The following JAZF1 variants were observed in gnomAD, a reference collection of about 807,000 sequenced individuals.
JAZF1 encodes the protein JAZF zinc finger 1, also known as juxtaposed with another zinc finger protein 1.
Under a neutral mutation model 26.4 loss-of-function variants are expected in JAZF1, and 8 were observed. The ratio of observed to expected loss-of-function variants is 0.30; its 90% CI spans 0.18 to 0.55. The LOEUF is 0.55. Among genes scored for constraint, JAZF1 ranks in the 20% least tolerant of loss-of-function variants. JAZF1 has a pLI of 0.94. For synonymous variants in JAZF1, 126 were observed against 122.3 expected, an observed-to-expected ratio of 1.03 and a Z score of -0.20; for missense variants, 199 against 322.0, an observed-to-expected ratio of 0.62 and a Z score of 2.92.
chr7:28,075,734 T>C lies in JAZF1; in HGVS notation c.116-83753A>G, dbSNP rs574906163. On this transcript the variant is annotated intron_variant, in intron 1 of 4. Coordinates refer to ENST00000283928, the MANE Select transcript of JAZF1 (RefSeq NM_175061.4). ...AGCACTCCCCATATTAATGGATATT[T>C]AGGTGAATCCCATTTTTTGCTATTA... is the stretch of plus-strand genomic sequence containing the variant. 2.0e-5 allele frequency among the ~76,000 whole-genome samples: 3 copies of C among 152,336 alleles called. No homozygotes were observed. The East Asian group carries it at 5.8e-4, about 29-fold the overall frequency.
chr7:28,036,247 C>A (rs77124494), intron 1 of JAZF1, among the ~76,000 whole-genome samples: 8,219 of 152,278 alleles, frequency 0.054, 394 homozygotes, highest in African/African-American at 0.12. Flanking sequence ...ACCAGGACAG[C>A]AGCCCTGCCT....
intron 1 of JAZF1, among the ~76,000 whole-genome samples, chr7:28,089,714 C>A (rs935979950): frequency 6.6e-6 from 1 of 152,136 alleles, no homozygotes; most frequent in African/African-American, 2.4e-5. Flanking sequence ...AATGAAGGCT[C>A]AGACAAATGA....
intron 1 of JAZF1, among the ~76,000 whole-genome samples, chr7:28,035,324 A>G (rs1355465613): frequency 1.7e-5 from 2 of 120,226 alleles, no homozygotes; most frequent in Non-Finnish European, 3.6e-5. Context: ...AAAAAAAAAA[A>G]AAAAAAAAAA....
At chr7:27,957,994 C>G (rs1171393418) in intron 2 of JAZF1, among the ~76,000 whole-genome samples, 7 of 151,950 alleles carry the variant, frequency 4.6e-5, no homozygotes, top group Non-Finnish European at 8.8e-5. Flanking sequence ...CACATAGAAA[C>G]CTTGAAAGTG....
intron 3 of JAZF1, among the ~76,000 whole-genome samples, chr7:27,863,502 G>A (rs879904282): frequency 3.3e-5 from 5 of 152,172 alleles, no homozygotes; most frequent in African/African-American, 1.2e-4. Context: ...GCCCGTCCTT[G>A]CCCAGGCACA....
At chr7:27,856,515 A>T (rs1319026388) in intron 3 of JAZF1, among the ~76,000 whole-genome samples, 1 of 152,154 alleles carries the variant, frequency 6.6e-6, no homozygotes, top group African/African-American at 2.4e-5. Context: ...CCCCACCCAC[A>T]TCCTGCTGAT....
intron 1 of JAZF1, among the ~76,000 whole-genome samples, chr7:28,028,931 T>C (rs1357117185): frequency 6.6e-6 from 1 of 152,152 alleles, no homozygotes; most frequent in Non-Finnish European, 1.5e-5. Context: ...CACTTTTAGA[T>C]GGTTTTCATG....
At chr7:27,848,919 T>C (rs1783079264) in intron 3 of JAZF1, among the ~76,000 whole-genome samples, 1 of 152,216 alleles carries the variant, frequency 6.6e-6, no homozygotes, top group African/African-American at 2.4e-5. Context: ...AGAAACATCT[T>C]TGCCATTTAG....
intron 1 of JAZF1, among the ~76,000 whole-genome samples, chr7:28,157,677 A>G (rs1179104406): frequency 2.6e-5 from 4 of 152,030 alleles, no homozygotes; most frequent in Non-Finnish European, 5.9e-5. Flanking sequence ...CATACTATCC[A>G]CCCTGAACCA....
intron 3 of JAZF1, among the ~76,000 whole-genome samples, chr7:27,881,890 A>G (rs2128339661): frequency 6.6e-6 from 1 of 152,352 alleles, no homozygotes; most frequent in South Asian, 2.1e-4. Context: ...AGCTCACATG[A>G]AAACAGATCA....
At position 28,110,630 on chromosome 7, in the gene JAZF1, GAAAGGA is replaced by G. The variant is rs1245874293; in HGVS notation, c.115+69827_115+69832del. Among the ~76,000 whole-genome samples the G allele has an allele frequency of 7.9e-5, 11 of 139,806 alleles. No individual in the cohort carries two copies. The East Asian group carries it at 1.8e-3, about 24-fold the overall frequency. 91.7% of individuals were successfully genotyped at this position (139,806 alleles called of 152,430 possible). ...AAAGGAAAGGAAAAGGAAAGGAAAG[GAAAGGA>G]AAAGGAAAGGAAAGGAAAGGAAAAG... On this transcript the variant is annotated intron_variant, in intron 1 of 4. Transcript: ENST00000283928.
chr7:27,940,538 C>CA (rs1784831226), intron 2 of JAZF1, among the ~76,000 whole-genome samples: 2 of 152,196 alleles, frequency 1.3e-5, no homozygotes, highest in Non-Finnish European at 2.9e-5. Flanking sequence ...AGGCATTGAA[C>CA]AAAAGCTCTC....
intron 1 of JAZF1, among the ~76,000 whole-genome samples, chr7:28,171,686 C>T (rs1783471611): frequency 6.6e-6 from 1 of 151,628 alleles, no homozygotes; most frequent in African/African-American, 2.4e-5. Flanking sequence ...CCAATATAAA[C>T]AAACACTCTA....
At chr7:27,900,892 CAT>C (rs935577236) in intron 2 of JAZF1, among the ~76,000 whole-genome samples, 2 of 151,520 alleles carry the variant, frequency 1.3e-5, no homozygotes, top group Non-Finnish European at 2.9e-5. Flanking sequence ...CATTTCCACA[CAT>C]AAAGATTTTA....
chr7:27,919,086 A>C (rs34634838), intron 2 of JAZF1, among the ~76,000 whole-genome samples: 51,767 of 152,048 alleles, frequency 0.34, 9,202 homozygotes, highest in East Asian at 0.49. Context: ...CTAAGTGATG[A>C]AGGTAGCACT....
At chr7:28,014,140 G>A (rs1403603279) in intron 1 of JAZF1, among the ~76,000 whole-genome samples, 2 of 149,910 alleles carry the variant, frequency 1.3e-5, no homozygotes, top group Non-Finnish European at 3.0e-5. Flanking sequence ...GGGTGGGGGT[G>A]GGGAATGCAT....
chr7:28,031,950 C>T (rs1447679788), intron 1 of JAZF1, among the ~76,000 whole-genome samples: 2 of 152,174 alleles, frequency 1.3e-5, no homozygotes, highest in Non-Finnish European at 2.9e-5. Flanking sequence ...ACAGGATCTA[C>T]ACTTTGTCAC....
At chr7:28,171,312 A>C (rs1245776434) in intron 1 of JAZF1, among the ~76,000 whole-genome samples, 1 of 152,268 alleles carries the variant, frequency 6.6e-6, no homozygotes, top group African/African-American at 2.4e-5. Flanking sequence ...ATAAACACAT[A>C]AACATATAAA....
chr7:28,034,670 T>C (rs1164141616), intron 1 of JAZF1, among the ~76,000 whole-genome samples: 3 of 152,192 alleles, frequency 2.0e-5, no homozygotes, highest in Non-Finnish European at 4.4e-5. Context: ...GTGACTTCCC[T>C]ATACTCACAT....
Sources: allele counts gnomAD v4.1 joint callset (sites outside exome capture counted in the v4.1 genomes callset), GRCh38; gene constraint gnomAD v4.1.1; transcripts MANE v1.5; gene names NCBI Gene and HGNC (gene_info 2026-07-23, HGNC 2026-07-21).